GPC5: variants seen among roughly 807,000 people sequenced by gnomAD.
GPC5 encodes the protein glypican-5.
Under a neutral mutation model 53.9 loss-of-function variants are expected in GPC5, and 47 were observed. The observed-to-expected ratio is 0.87, with a 90% confidence interval of 0.69 to 1.11. GPC5 has a LOEUF of 1.11. GPC5 is among the 50% of genes most tolerant of loss of function. GPC5 has a pLI of 0.00. For missense variants in GPC5, 748 were observed against 713.1 expected (o/e 1.05, Z -0.56); for synonymous variants, 286 against 263.3 (o/e 1.09, Z -0.84).
intron 2 of GPC5, among the ~76,000 whole-genome samples, chr13:91,593,130 C>A (rs1030458257): frequency 2.6e-5 from 4 of 152,194 alleles, no homozygotes; most frequent in African/African-American, 9.7e-5. Flanking sequence ...AGAGGTTCAT[C>A]GCAAGGGTGA....
At chr13:92,522,482 G>A (rs1444147347) in intron 7 of GPC5, among the ~76,000 whole-genome samples, 3 of 152,062 alleles carry the variant, frequency 2.0e-5, no homozygotes, top group Non-Finnish European at 2.9e-5. Context: ...CATGGATGAA[G>A]CTGGAAACCA....
intron 4 of GPC5, among the ~76,000 whole-genome samples, chr13:91,754,135 G>T (rs1239684733): frequency 6.6e-6 from 1 of 152,176 alleles, no homozygotes; most frequent in Non-Finnish European, 1.5e-5. Flanking sequence ...GGACCCTAAA[G>T]TATGGTTTGG....
At chr13:92,413,705 G>C (rs1319787605) in intron 7 of GPC5, among the ~76,000 whole-genome samples, 1 of 152,108 alleles carries the variant, frequency 6.6e-6, no homozygotes, top group African/African-American at 2.4e-5. Context: ...TGTGAGCTTA[G>C]ATAAAAATAG....
At chr13:92,337,968 T>C (rs2043336329) in intron 7 of GPC5, among the ~76,000 whole-genome samples, 1 of 152,108 alleles carries the variant, frequency 6.6e-6, no homozygotes, top group Non-Finnish European at 1.5e-5. Flanking sequence ...CTGGACTTCA[T>C]TAAAATTAAA....
intron 3 of GPC5, among the ~76,000 whole-genome samples, chr13:91,721,097 C>A (rs2036457891): frequency 8.6e-6 from 1 of 115,872 alleles, no homozygotes; most frequent in Admixed American, 8.4e-5. Context: ...TTCTTTCTTT[C>A]TTTCTTTCTT....
intron 5 of GPC5, among the ~76,000 whole-genome samples, chr13:91,770,991 ATCT>A (rs560905032): frequency 6.6e-6 from 1 of 152,290 alleles, no homozygotes; most frequent in Admixed American, 6.5e-5. Context: ...GAAAATATAA[ATCT>A]TCTTTGCAGA....
intron 2 of GPC5, among the ~76,000 whole-genome samples, chr13:91,510,885 T>A (rs1261111192): frequency 6.6e-6 from 1 of 152,178 alleles, no homozygotes; most frequent in Non-Finnish European, 1.5e-5. Context: ...TGTCTTTCTA[T>A]CCTACTGGAG....
At chr13:92,514,956 G>A (rs1053816053) in intron 7 of GPC5, among the ~76,000 whole-genome samples, 3 of 152,064 alleles carry the variant, frequency 2.0e-5, no homozygotes, top group Non-Finnish European at 4.4e-5. Flanking sequence ...ATCGTGACTG[G>A]CAGACTCCAC....
chr13:92,777,492 G>T (rs984505434), intron 7 of GPC5, among the ~76,000 whole-genome samples: 2 of 151,990 alleles, frequency 1.3e-5, no homozygotes, highest in Non-Finnish European at 2.9e-5. Context: ...AATTAGCTGG[G>T]TGGCACCCGC....
intron 2 of GPC5, among the ~76,000 whole-genome samples, chr13:91,503,817 A>ATCATCATCATCATC (rs1884793710): frequency 6.8e-6 from 1 of 147,416 alleles, no homozygotes; most frequent in African/African-American, 2.5e-5. Flanking sequence ...TAATAATAAT[A>ATCATCATCATCATC]ATCAGGCTGT....
intron 7 of GPC5, among the ~76,000 whole-genome samples, chr13:92,322,347 AAAAAT>A (rs201914136): frequency 0.014 from 2,174 of 152,220 alleles, 58 homozygotes; most frequent in African/African-American, 0.05. Context: ...AAAAAGAAAA[AAAAAT>A]AAAGGCAAAT....
At chr13:91,760,455 A>G (rs2037386234) in intron 5 of GPC5, among the ~76,000 whole-genome samples, 1 of 152,182 alleles carries the variant, frequency 6.6e-6, no homozygotes, top group Non-Finnish European at 1.5e-5. Context: ...GAGGAAATGG[A>G]CAAGTGAATG....
At position 92,504,280 on chromosome 13, in the gene GPC5, C is replaced by T. The variant is rs190311043; in HGVS notation, c.1561+359291C>T. The stretch of plus-strand genomic sequence containing the variant: ...CCAAAATAAAATACCTAGTTGTAAA[C>T]CTAACAAGTACAGAAACAGAATGTT... On this transcript the variant is annotated intron_variant, in intron 7 of 7. Coordinates refer to ENST00000377067, the MANE Select transcript of GPC5 (RefSeq NM_004466.6). Among the ~76,000 whole-genome samples the T allele has an allele frequency of 1.0e-3, 159 of 151,930 alleles. 2 individuals are homozygous for T. Among genetic ancestry groups the T allele is most frequent in the Non-Finnish European group, 5.3e-4 (36 of 67,804 alleles).
chr13:92,392,707 G>A, intron 7 of GPC5, among the ~76,000 whole-genome samples: 1 of 151,978 alleles, frequency 6.6e-6, no homozygotes, highest in East Asian at 1.9e-4. Context: ...AAGTTTACAA[G>A]AGAAACAACC....
chr13:91,823,262 C>T (rs867883978), intron 5 of GPC5, among the ~76,000 whole-genome samples: 4 of 152,038 alleles, frequency 2.6e-5, no homozygotes, highest in African/African-American at 9.7e-5. Context: ...CCACTACCCC[C>T]AAACTGCCAA....
At position 91,503,817 on chromosome 13, in the gene GPC5, A is replaced by AATAATCATCATCATCATCATC. The variant is rs1555316221; in HGVS notation, c.325+54897_325+54898insAATCATCATCATCATCATCAT. On this transcript the variant is annotated intron_variant, in intron 2 of 7. Transcript: ENST00000377067. The stretch of plus-strand genomic sequence containing the variant: ...TAATAATAATAATAATAATAATAAT[A>AATAATCATCATCATCATCATC]ATCAGGCTGTTGTGGCACATTAGGG... 1.1e-3 allele frequency among the ~76,000 whole-genome samples: 157 copies of AATAATCATCATCATCATCATC among 147,418 alleles called. 2 individuals are homozygous for AATAATCATCATCATCATCATC. The highest frequency in any genetic ancestry group is 3.7e-3 in the African/African-American group (147 of 40,100).
chr13:91,820,096 C>T (rs563849689), intron 5 of GPC5, among the ~76,000 whole-genome samples: 3 of 151,920 alleles, frequency 2.0e-5, no homozygotes, highest in South Asian at 4.1e-4. Context: ...TTGTCATTGT[C>T]ATTGTTGGTG....
chr13:91,730,872 G>T (rs556406948), intron 4 of GPC5, among the ~76,000 whole-genome samples: 4 of 152,280 alleles, frequency 2.6e-5, no homozygotes, highest in Admixed American at 2.0e-4. Flanking sequence ...TATATAAGAA[G>T]AATATCCCAG....
intron 5 of GPC5, among the ~76,000 whole-genome samples, chr13:91,832,598 G>C (rs1594604057): frequency 6.6e-6 from 1 of 151,926 alleles, no homozygotes; most frequent in East Asian, 1.9e-4. Flanking sequence ...AATTTGATAT[G>C]TTTTTGCAGT....
Sources: allele counts gnomAD v4.1 joint callset (sites outside exome capture counted in the v4.1 genomes callset), GRCh38; gene constraint gnomAD v4.1.1; transcripts MANE v1.5; gene names NCBI Gene and HGNC (gene_info 2026-07-23, HGNC 2026-07-21).